Variants in ARHGAP35 observed in about 807,000 individuals in gnomAD.
ARHGAP35 encodes the protein Rho GTPase activating protein 35.
ARHGAP35 carries 15 observed loss-of-function variants against 111.1 expected under a neutral mutation model. That is an observed-to-expected ratio of 0.13 (90% CI 0.09 to 0.21). ARHGAP35 has a LOEUF of 0.21. ARHGAP35 is among the 10% of genes least tolerant of loss of function. The probability of loss-of-function intolerance (pLI) is 1.00; values close to 1 mark genes in which losing one functional copy is unlikely to be tolerated. For synonymous variants in ARHGAP35, 643 were observed against 710.3 expected (o/e 0.91, Z 1.51); for missense variants, 1,262 against 1,873.0 (o/e 0.67, Z 6.02).
At chr19:46,933,542 C>T (rs772527196) in intron 2 of ARHGAP35, among the ~76,000 whole-genome samples, 1 of 152,178 alleles carries the variant, frequency 6.6e-6, no homozygotes, top group Non-Finnish European at 1.5e-5. Flanking sequence ...GTTAAAAGCA[C>T]AGGTTTCGCA....
At chr19:46,991,384 C>T (rs993205568) in intron 5 of ARHGAP35, among the ~76,000 whole-genome samples, 6 of 152,202 alleles carry the variant, frequency 3.9e-5, no homozygotes, top group Non-Finnish European at 7.4e-5. Context: ...ATTGTTTCTG[C>T]GGGAACTGCT....
intron 2 of ARHGAP35, among the ~76,000 whole-genome samples, chr19:46,932,906 CAGTT>C (rs1357262691): frequency 1.3e-5 from 2 of 152,158 alleles, no homozygotes; most frequent in Non-Finnish European, 2.9e-5. Context: ...GCAGTTGTCT[CAGTT>C]AGCCTTCCGT....
chr19:46,861,222 G>T lies in ARHGAP35; in HGVS notation c.-189+13G>T, dbSNP rs1352799030. ...GGGCGCCCAGCTGGTGAGTGCGCGA[G>T]CTCACGGGCCCCGGGCGGCGAGGCC... On this transcript the variant is annotated intron_variant, in intron 1 of 6. Coordinates refer to ENST00000672722, the MANE Select transcript of ARHGAP35 (RefSeq NM_004491.5). 1.3e-5 allele frequency among the ~76,000 whole-genome samples: 2 copies of T among 151,388 alleles called. No homozygotes were observed. The highest frequency in any genetic ancestry group is 4.8e-5 in the African/African-American group (2 of 41,342).
intron 1 of ARHGAP35, among the ~76,000 whole-genome samples, chr19:46,882,608 G>A (rs2055968366): frequency 6.6e-6 from 1 of 152,070 alleles, no homozygotes; most frequent in East Asian, 1.9e-4. Context: ...TAGGTTTTAA[G>A]CCCCACATGC....
In ARHGAP35 at chr19:46,999,100, G is replaced by A. The variant is rs2056731842; in HGVS notation, c.4037-204G>A. 4 of 567,998 alleles carry A rather than the reference G, an allele frequency of 7.0e-6. No homozygotes were observed. Among genetic ancestry groups the A allele is most frequent in the Non-Finnish European group, 3.1e-6 (1 of 319,362 alleles). The allele number at this position is 567,998 out of a possible 1,614,324, so 35.2% of individuals were successfully genotyped here. A position where few individuals can be genotyped will look rare whatever the true frequency, so the allele number is the denominator to read the frequency against. ...CAGTGCCGCCCTTCAGCGGGGGCCTGGGACACAGAGGTGGGCCAGACCCCT... is the reference window on the plus strand; with the variant it reads ...CAGTGCCGCCCTTCAGCGGGGGCCTAGGACACAGAGGTGGGCCAGACCCCT... On this transcript the variant is annotated intron_variant, in intron 5 of 6. Coordinates refer to ENST00000672722, the MANE Select transcript of ARHGAP35 (RefSeq NM_004491.5). This position sits in a 1 kb window ranked among gnomAD's most constrained non-coding sequence, Gnocchi z 5.4.
At chr19:46,912,896 A>T (rs2056145609) in intron 1 of ARHGAP35, among the ~76,000 whole-genome samples, 1 of 151,892 alleles carries the variant, frequency 6.6e-6, no homozygotes, top group Non-Finnish European at 1.5e-5. Flanking sequence ...GAAATGTAAG[A>T]TATTGAGAAA....
Position 46,908,541 on chromosome 19 carries a change from A to T in ARHGAP35, c.-188-9947A>T, listed in dbSNP as rs930160986. On this transcript the variant is annotated intron_variant, in intron 1 of 6. Coordinates refer to ENST00000672722, the MANE Select transcript of ARHGAP35 (RefSeq NM_004491.5). This position sits in a 1 kb window ranked among gnomAD's most constrained non-coding sequence, Gnocchi z 4.2. ...AAATTATGCTAAATCAGTGAGAAAG[A>T]CTTCTTAGCTTTTGATTTTGTCTTT... 1.3e-5 allele frequency among the ~76,000 whole-genome samples: 2 copies of T among 152,182 alleles called. No homozygotes were observed. The highest frequency in any genetic ancestry group is 6.5e-5 in the Admixed American group (1 of 15,280).
At chr19:46,939,393 ATTTAT>A (rs2056331394) in intron 3 of ARHGAP35, among the ~76,000 whole-genome samples, 1 of 149,422 alleles carries the variant, frequency 6.7e-6, no homozygotes, top group Non-Finnish European at 1.5e-5. Flanking sequence ...TTATTTATTT[ATTTAT>A]TTATTTATTT....
At chr19:46,909,548 C>A (rs1356075365) in intron 1 of ARHGAP35, among the ~76,000 whole-genome samples, 1 of 152,052 alleles carries the variant, frequency 6.6e-6, no homozygotes, top group African/African-American at 2.4e-5. Flanking sequence ...TCTAAAGATC[C>A]AGATGACCCA....
chr19:46,986,887 G>A lies in ARHGAP35; in HGVS notation c.3827-1102G>A, dbSNP rs139540119. On this transcript the variant is annotated intron_variant, in intron 3 of 6. Coordinates refer to ENST00000672722, the MANE Select transcript of ARHGAP35 (RefSeq NM_004491.5). This position sits in a 1 kb window ranked among gnomAD's most constrained non-coding sequence, Gnocchi z 4.3. The stretch of plus-strand genomic sequence containing the variant: ...CTTGTTGCCCAGGCTGGAGTGCAGT[G>A]GCACGATCTTGGCTCACCACAACCT... 7.9e-3 allele frequency among the ~76,000 whole-genome samples: 1,198 copies of A among 152,298 alleles called. 8 individuals carry two copies. Among genetic ancestry groups the A allele is most frequent in the African/African-American group, 0.027 (1,122 of 41,544 alleles).
chr19:47,000,409 T>C lies in ARHGAP35; in HGVS notation c.4221T>C (p.Pro1407=). The C allele has an allele frequency of 3.7e-6, 6 of 1,613,722 alleles. No homozygotes were observed. The highest frequency in any genetic ancestry group is 5.1e-6 in the Non-Finnish European group (6 of 1,179,832). ...GCTTCTGGCCCACCTTGATGAGACC[T>C]GATTTCAGCACTATGGACGCCCTCA... ...SICFWPTLMR[P]DFSTMDALTA... Residue 1407 remains proline, a synonymous_variant, in exon 7 of 7, where the codon CCT becomes CCC. Transcript: ENST00000672722. The surrounding 1 kb of genome is among the most constrained non-coding windows in gnomAD (Gnocchi z 6.9).
intron 3 of ARHGAP35, among the ~76,000 whole-genome samples, chr19:46,961,959 A>T (rs2056485405): frequency 6.6e-6 from 1 of 151,782 alleles, no homozygotes. Flanking sequence ...AAAGAAAAAG[A>T]GAGAAAGAGA....
chr19:46,925,449 C>A (rs924972884), intron 2 of ARHGAP35, among the ~76,000 whole-genome samples: 5 of 152,098 alleles, frequency 3.3e-5, no homozygotes, highest in African/African-American at 9.7e-5. Flanking sequence ...CAAAGCAATA[C>A]AATATTTATT....
Position 46,989,220 on chromosome 19 carries a change from G to C in ARHGAP35, c.3905-324G>C. Reference sequence around the variant, plus strand: ...GCCTCCTTCTTCTGTGATGGGAAGGGAGTAAGGAAGAGGCAACAGCATATC... The same window carrying C: ...GCCTCCTTCTTCTGTGATGGGAAGGCAGTAAGGAAGAGGCAACAGCATATC... On this transcript the variant is annotated intron_variant, in intron 4 of 6. Coordinates refer to ENST00000672722, the MANE Select transcript of ARHGAP35 (RefSeq NM_004491.5). This position sits in a 1 kb window ranked among gnomAD's most constrained non-coding sequence, Gnocchi z 5.3. The C allele has an allele frequency of 4.2e-6, 1 of 236,354 alleles. No individual in the cohort carries two copies. The highest frequency in any genetic ancestry group is 8.7e-6 in the Non-Finnish European group (1 of 114,586). The allele number at this position is 236,354 out of a possible 1,614,324, so 14.6% of individuals were successfully genotyped here. A position where few individuals can be genotyped will look rare whatever the true frequency, so the allele number is the denominator to read the frequency against.
intron 2 of ARHGAP35, 136 bp from the exon 3 acceptor site, chr19:46,937,128 C>A: frequency 9.0e-7 from 1 of 1,105,802 alleles, no homozygotes; most frequent in Non-Finnish European, 1.3e-6. Context: ...GCATGAGTCA[C>A]CGTATCCAGC....
At chr19:46,973,647 C>T (rs545680991) in intron 3 of ARHGAP35, among the ~76,000 whole-genome samples, 1 of 151,544 alleles carries the variant, frequency 6.6e-6, no homozygotes, top group African/African-American at 2.4e-5. Flanking sequence ...GCAGAGATCG[C>T]ACCACTGCAA....
intron 1 of ARHGAP35, among the ~76,000 whole-genome samples, chr19:46,898,274 G>T (rs2056067720): frequency 6.7e-6 from 1 of 150,134 alleles, no homozygotes; most frequent in Admixed American, 6.6e-5. Flanking sequence ...AGTGCCCTCT[G>T]TGTGTAAGGT....
intron 1 of ARHGAP35, among the ~76,000 whole-genome samples, chr19:46,870,252 A>T (rs1336398383): frequency 6.6e-6 from 1 of 150,408 alleles, no homozygotes; most frequent in East Asian, 2.0e-4. Context: ...CCCGGCTTGT[A>T]TACTTTTTTT....
intron 3 of ARHGAP35, among the ~76,000 whole-genome samples, chr19:46,951,771 A>G (rs2056414568): frequency 6.6e-6 from 1 of 152,108 alleles, no homozygotes. Flanking sequence ...CAAGTCCCCC[A>G]TGCAGAGGCT....
Sources: allele counts gnomAD v4.1 joint callset (sites outside exome capture counted in the v4.1 genomes callset), GRCh38; gene constraint gnomAD v4.1.1; non-coding constraint Gnocchi (gnomAD v3.1); transcripts MANE v1.5; gene names NCBI Gene and HGNC (gene_info 2026-07-23, HGNC 2026-07-21).